Variants in ABI2 observed in about 807,000 individuals in gnomAD.
ABI2 encodes the protein abl interactor 2.
ABI2 carries 25 observed loss-of-function variants against 59.2 expected under a neutral mutation model. That is an observed-to-expected ratio of 0.42 (90% CI 0.31 to 0.59). ABI2 has a LOEUF of 0.59. Among genes scored for constraint, ABI2 ranks in the 20% least tolerant of loss-of-function variants. ABI2 has a pLI of 0.14. For synonymous variants in ABI2, 213 were observed against 235.5 expected, an observed-to-expected ratio of 0.90 and a Z score of 0.87; for missense variants, 545 against 681.8, an observed-to-expected ratio of 0.80 and a Z score of 2.23.
chr2:203,339,597 AGAAAAAG>A (rs1170825271), intron 1 of ABI2, among the ~76,000 whole-genome samples: 1 of 151,254 alleles, frequency 6.6e-6, no homozygotes, highest in Non-Finnish European at 1.5e-5. Flanking sequence ...AAAAAAAAAA[AGAAAAAG>A]AAAAAAAGAA....
intron 1 of ABI2, among the ~76,000 whole-genome samples, chr2:203,330,728 A>G (rs891305755): frequency 1.3e-5 from 2 of 152,240 alleles, no homozygotes; most frequent in South Asian, 2.1e-4. Context: ...GTGGATTGCA[A>G]TTATTACCAG....
chr2:203,392,272 CCAT>C (rs1356576436), intron 5 of ABI2, among the ~76,000 whole-genome samples: 129 of 135,394 alleles, frequency 9.5e-4, no homozygotes, highest in Non-Finnish European at 1.1e-3. Context: ...AGCACCACCA[CCAT>C]CACCACCACC....
chr2:203,396,640 A>G lies in ABI2; in HGVS notation c.851-145A>G, dbSNP rs1047685231. ...GCTGCTTATATAGTAATCCTTTAGC[A>G]TAAGTTTTATTCTTTTTTTCAACTC... On this transcript the variant is annotated intron_variant, in intron 7 of 11. Transcript: ENST00000261018. 7.8e-5 allele frequency: 66 copies of G among 849,952 alleles called. No homozygotes were observed. The African/African-American group carries it at 1.0e-3, about 13-fold the overall frequency. The allele number at this position is 849,952 out of a possible 1,614,324, so 52.7% of individuals were successfully genotyped here. A position where few individuals can be genotyped will look rare whatever the true frequency, so the allele number is the denominator to read the frequency against.
At chr2:203,377,520 A>G (rs1304651670) in intron 2 of ABI2, among the ~76,000 whole-genome samples, 2 of 152,246 alleles carry the variant, frequency 1.3e-5, no homozygotes, top group Non-Finnish European at 2.9e-5. Context: ...CCATTTTATA[A>G]AAAAAGTGTC....
intron 1 of ABI2, among the ~76,000 whole-genome samples, chr2:203,345,597 T>TG (rs752071370): frequency 1.3e-5 from 2 of 151,956 alleles, no homozygotes; most frequent in Non-Finnish European, 2.9e-5. Context: ...TTAGTAGAGA[T>TG]GGGGTTTCAC....
chr2:203,399,762 G>A (rs2097147229), intron 8 of ABI2, among the ~76,000 whole-genome samples: 4 of 152,122 alleles, frequency 2.6e-5, no homozygotes. Flanking sequence ...TGATCCGCCC[G>A]CCTCAGCCTC....
intron 4 of ABI2, among the ~76,000 whole-genome samples, chr2:203,382,969 G>T (rs750156965): frequency 6.6e-6 from 1 of 152,076 alleles, no homozygotes; most frequent in African/African-American, 2.4e-5. Context: ...TTTTGGTATC[G>T]TGGAGGATTC....
intron 1 of ABI2, among the ~76,000 whole-genome samples, chr2:203,335,019 A>G (rs753292159): frequency 1.3e-5 from 2 of 152,070 alleles, no homozygotes; most frequent in Non-Finnish European, 2.9e-5. Context: ...AATAGATTGG[A>G]TTCATGAGGT....
chr2:203,394,897 G>A, intron 6 of ABI2, 51 bp downstream of exon 6: 1 of 1,585,486 alleles, frequency 6.3e-7, no homozygotes, highest in Non-Finnish European at 8.6e-7. Context: ...ACCATAATCT[G>A]TTCAGATTAC....
intron 10 of ABI2, among the ~76,000 whole-genome samples, chr2:203,414,300 C>A (rs1261482220): frequency 6.6e-6 from 1 of 151,990 alleles, no homozygotes; most frequent in Non-Finnish European, 1.5e-5. Context: ...CGGGGTTTCG[C>A]CATATTGGCC....
At chr2:203,338,965 T>TATATATAA (rs2078076164) in intron 1 of ABI2, among the ~76,000 whole-genome samples, 1 of 9,478 alleles carries the variant, frequency 1.1e-4, no homozygotes, top group African/African-American at 2.7e-4. Context: ...TATATATAAA[T>TATATATAA]ATATATATAT....
intron 1 of ABI2, among the ~76,000 whole-genome samples, chr2:203,337,071 G>A (rs1215412881): frequency 6.6e-6 from 1 of 152,116 alleles, no homozygotes; most frequent in Non-Finnish European, 1.5e-5. Flanking sequence ...TTTCCTCTAA[G>A]ATCAGGAATA....
intron 2 of ABI2, among the ~76,000 whole-genome samples, chr2:203,370,353 G>T (rs750274870): frequency 1.3e-5 from 2 of 151,824 alleles, no homozygotes; most frequent in Non-Finnish European, 2.9e-5. Flanking sequence ...CTCCCAAAGT[G>T]CTGGGATTAC....
chr2:203,396,532 G>A (rs1221486864), intron 7 of ABI2, among the ~76,000 whole-genome samples: 1 of 152,124 alleles, frequency 6.6e-6, no homozygotes, highest in South Asian at 2.1e-4. Context: ...TTCTTCTGGA[G>A]TAGTGCTTTC....
At chr2:203,389,832 G>A (rs2096670103) in intron 4 of ABI2, among the ~76,000 whole-genome samples, 1 of 152,138 alleles carries the variant, frequency 6.6e-6, no homozygotes, top group African/African-American at 2.4e-5. Context: ...GATAGCCAGG[G>A]CTTTCTGTAT....
At chr2:203,337,386 A>G (rs1360731517) in intron 1 of ABI2, among the ~76,000 whole-genome samples, 3 of 152,366 alleles carry the variant, frequency 2.0e-5, no homozygotes, top group African/African-American at 7.2e-5. Flanking sequence ...AAACATTTCC[A>G]TTTATAACAG....
At chr2:203,364,585 T>A (rs560982780) in intron 1 of ABI2, among the ~76,000 whole-genome samples, 1 of 152,310 alleles carries the variant, frequency 6.6e-6, no homozygotes, top group East Asian at 1.9e-4. Flanking sequence ...AAATAACTTT[T>A]TGACGAGCAT....
chr2:203,409,944 A>G (rs1477132122), intron 9 of ABI2, among the ~76,000 whole-genome samples: 2 of 151,958 alleles, frequency 1.3e-5, no homozygotes, highest in South Asian at 2.1e-4. Flanking sequence ...ATCCTTCCCT[A>G]TTTCATATCC....
At chr2:203,417,140 T>A in intron 11 of ABI2, 59 bp downstream of exon 11, 1 of 1,413,516 alleles carries the variant, frequency 7.1e-7, no homozygotes, top group Non-Finnish European at 9.4e-7. Context: ...GAAATGAAAT[T>A]TGCGGTACTG....
Sources: allele counts gnomAD v4.1 joint callset (sites outside exome capture counted in the v4.1 genomes callset), GRCh38; gene constraint gnomAD v4.1.1; transcripts MANE v1.5; gene names NCBI Gene and HGNC (gene_info 2026-07-23, HGNC 2026-07-21).